Variants in MAP4K4 observed in about 807,000 individuals in gnomAD.
The protein encoded by MAP4K4 is mitogen-activated protein kinase kinase kinase kinase 4, also known as HPK/GCK-like kinase HGK.
Under a neutral mutation model 189.6 loss-of-function variants are expected in MAP4K4, and 38 were observed. The ratio of observed to expected loss-of-function variants is 0.20; its 90% CI spans 0.15 to 0.26. The LOEUF (loss-of-function observed/expected upper bound fraction) is 0.26. MAP4K4 is among the 10% of genes least tolerant of loss of function. MAP4K4 has a pLI of 1.00. For synonymous variants in MAP4K4, 610 were observed against 624.3 expected (o/e 0.98, Z 0.34); for missense variants, 1,054 against 1,726.9 (o/e 0.61, Z 6.91).
intron 2 of MAP4K4, among the ~76,000 whole-genome samples, chr2:101,773,178 G>A (rs946702761): frequency 3.9e-5 from 6 of 152,174 alleles, no homozygotes; most frequent in African/African-American, 1.4e-4. Context: ...ACCTGTTCTG[G>A]TTTTGATGTT....
chr2:101,780,775 T>C (rs1702011760), intron 2 of MAP4K4, among the ~76,000 whole-genome samples: 1 of 152,246 alleles, frequency 6.6e-6, no homozygotes, highest in Admixed American at 6.5e-5. Flanking sequence ...AATTAAATTA[T>C]CTTCAACAGT....
chr2:101,698,710 T>G (rs544125633), intron 2 of MAP4K4, among the ~76,000 whole-genome samples, 172 bp downstream of exon 2: 1 of 152,310 alleles, frequency 6.6e-6, no homozygotes, highest in East Asian at 1.9e-4. Context: ...GAGTTTATAT[T>G]CAGACTGGCC....
chr2:101,751,603 T>C (rs1299398880), intron 2 of MAP4K4, among the ~76,000 whole-genome samples: 1 of 152,250 alleles, frequency 6.6e-6, no homozygotes, highest in Non-Finnish European at 1.5e-5. Flanking sequence ...ATGCATGGCC[T>C]CTGCCTGACC....
intron 3 of MAP4K4, among the ~76,000 whole-genome samples, chr2:101,806,548 A>G (rs928822707): frequency 1.5e-4 from 22 of 151,530 alleles, no homozygotes; most frequent in African/African-American, 5.1e-4. Context: ...GCTTATTTTT[A>G]TATATATTTT....
At chr2:101,697,825 G>C (rs988207981) in exon 1 of MAP4K4, 2 of 144,830 alleles carry the variant, frequency 1.4e-5, no homozygotes, top group African/African-American at 5.0e-5. Flanking sequence ...CCTGACGGCC[G>C]GCCCCGCGCC....
chr2:101,824,227 C>T (rs1234899956), intron 4 of MAP4K4, among the ~76,000 whole-genome samples, 174 bp downstream of exon 4: 8 of 152,046 alleles, frequency 5.3e-5, no homozygotes, highest in Admixed American at 4.6e-4. Flanking sequence ...TGACTATATG[C>T]TGGTTGTTTA....
chr2:101,877,361 G>A (rs567593541), intron 27 of MAP4K4, among the ~76,000 whole-genome samples: 5 of 152,238 alleles, frequency 3.3e-5, no homozygotes, highest in African/African-American at 7.2e-5. Flanking sequence ...CTTGAGAAGC[G>A]TATGAATGTG....
exon 26 of MAP4K4, chr2:101,874,215 G>A (rs766870046): frequency 2.5e-6 from 4 of 1,612,400 alleles, no homozygotes; most frequent in Non-Finnish European, 2.5e-6. Flanking sequence ...AATACAAGAA[G>A]AGGTTTAACT....
At chr2:101,782,324 C>T (rs1466359622) in intron 2 of MAP4K4, among the ~76,000 whole-genome samples, 1 of 152,142 alleles carries the variant, frequency 6.6e-6, no homozygotes, top group Non-Finnish European at 1.5e-5. Context: ...ACATTGCCTG[C>T]AATTGAGGTA....
intron 2 of MAP4K4, among the ~76,000 whole-genome samples, chr2:101,751,677 A>G (rs1254202383): frequency 1.3e-5 from 2 of 152,200 alleles, no homozygotes; most frequent in Non-Finnish European, 2.9e-5. Context: ...GTTACATGAC[A>G]TGTAAGTTAA....
chr2:101,699,989 GT>G (rs1468602284), intron 2 of MAP4K4, among the ~76,000 whole-genome samples: 2 of 152,184 alleles, frequency 1.3e-5, no homozygotes, highest in Admixed American at 1.3e-4. Flanking sequence ...CCGGTCTGTT[GT>G]TTGTTTAAGC....
chr2:101,871,548 C>A (rs1024720142), exon 24 of MAP4K4: 2 of 1,536,196 alleles, frequency 1.3e-6, no homozygotes, highest in Non-Finnish European at 1.7e-6. Context: ...CTTTGCCGGT[C>A]GCATTCACCT....
intron 2 of MAP4K4, among the ~76,000 whole-genome samples, chr2:101,700,926 G>T (rs117061815): frequency 6.6e-6 from 1 of 151,848 alleles, no homozygotes; most frequent in Non-Finnish European, 1.5e-5. Flanking sequence ...TTACAATTAT[G>T]TGTAGGAGTT....
chr2:101,740,418 TGC>T, intron 2 of MAP4K4, among the ~76,000 whole-genome samples: 2 of 102,538 alleles, frequency 2.0e-5, no homozygotes, highest in African/African-American at 1.6e-4. Context: ...CCTCCCAAAG[TGC>T]TGGGATTACA....
At chr2:101,793,594 C>T (rs1469618140) in intron 3 of MAP4K4, among the ~76,000 whole-genome samples, 3 of 148,524 alleles carry the variant, frequency 2.0e-5, no homozygotes, top group South Asian at 4.2e-4. Context: ...TTTTTACCTC[C>T]ACTTAGTTTC....
chr2:101,863,962 C>G, exon 17 of MAP4K4: 1 of 1,367,706 alleles, frequency 7.3e-7, no homozygotes, highest in Non-Finnish European at 9.8e-7. Flanking sequence ...CAGTGAGGTG[C>G]TCAGTCAGAG....
chr2:101,826,742 C>G (rs1174905136), intron 5 of MAP4K4, among the ~76,000 whole-genome samples: 1 of 152,204 alleles, frequency 6.6e-6, no homozygotes, highest in Non-Finnish European at 1.5e-5. Flanking sequence ...ACTTTCAGGA[C>G]TTACTTTCTC....
chr2:101,866,439 C>T (rs2097820043), exon 19 of MAP4K4: 1 of 1,612,520 alleles, frequency 6.2e-7, no homozygotes. Context: ...AGTATTGAGC[C>T]CAGGCTTCTG....
At chr2:101,735,246 T>C (rs1394774773) in intron 2 of MAP4K4, among the ~76,000 whole-genome samples, 1 of 152,072 alleles carries the variant, frequency 6.6e-6, no homozygotes, top group East Asian at 1.9e-4. Context: ...AAAGGGGGTG[T>C]AGAAAGTATG....
Sources: allele counts gnomAD v4.1 joint callset (sites outside exome capture counted in the v4.1 genomes callset), GRCh38; gene constraint gnomAD v4.1.1; transcripts MANE v1.5; gene names NCBI Gene and HGNC (gene_info 2026-07-23, HGNC 2026-07-21).